Variants in CSNK2A2 observed in about 807,000 individuals in gnomAD.
The protein encoded by CSNK2A2 is casein kinase II subunit alpha'.
Under a neutral mutation model 54.0 loss-of-function variants are expected in CSNK2A2, and 8 were observed. The observed-to-expected ratio is 0.15, with a 90% CI of 0.09 to 0.27. The LOEUF (loss-of-function observed/expected upper bound fraction) is 0.27. Ranked by LOEUF, CSNK2A2 falls within the 10% of genes least tolerant of loss-of-function variation. The pLI, the probability that CSNK2A2 is intolerant of heterozygous loss-of-function variation, is 1.00. For missense variants in CSNK2A2, 242 were observed against 439.4 expected, an observed-to-expected ratio of 0.55 and a Z score of 4.02; for synonymous variants, 141 against 153.9, an observed-to-expected ratio of 0.92 and a Z score of 0.62.
At chr16:58,195,636 C>A (rs1435557316) in intron 2 of CSNK2A2, among the ~76,000 whole-genome samples, 1 of 152,170 alleles carries the variant, frequency 6.6e-6, no homozygotes. Context: ...AACGAGGACC[C>A]ATCACAGATT....
chr16:58,158,455 G>A (rs1377285926), intron 11 of CSNK2A2, 102 bp from the exon 12 acceptor site: 2 of 152,274 alleles, frequency 1.3e-5, no homozygotes, highest in African/African-American at 4.8e-5. Context: ...ATGCAAGCTC[G>A]GCCCTCCCAT....
chr16:58,176,002 C>G (rs537329833), intron 4 of CSNK2A2, among the ~76,000 whole-genome samples: 1 of 152,288 alleles, frequency 6.6e-6, no homozygotes, highest in African/African-American at 2.4e-5. Context: ...TCTCCCAGCT[C>G]TGCTGCAAGA....
intron 11 of CSNK2A2, chr16:58,160,019 T>C (rs1961285910): frequency 6.6e-6 from 1 of 152,124 alleles, no homozygotes; most frequent in Non-Finnish European, 1.5e-5. Flanking sequence ...TATAATCCCA[T>C]CACATCTTTT....
intron 8 of CSNK2A2, 51 bp downstream of exon 8, chr16:58,167,156 T>G: frequency 7.6e-7 from 1 of 1,314,960 alleles, no homozygotes; most frequent in Non-Finnish European, 1.1e-6. Flanking sequence ...AGGATGCTAT[T>G]TTTTTGGCAT....
At chr16:58,168,870 C>T (rs1003606797) in intron 5 of CSNK2A2, among the ~76,000 whole-genome samples, 177 bp from the exon 6 acceptor site, 1 of 152,004 alleles carries the variant, frequency 6.6e-6, no homozygotes, top group Admixed American at 6.5e-5. Context: ...GCTCTCTCTG[C>T]ACACTACAGC....
At chr16:58,184,747 T>C (rs564302113) in intron 3 of CSNK2A2, among the ~76,000 whole-genome samples, 2 of 152,324 alleles carry the variant, frequency 1.3e-5, no homozygotes, top group South Asian at 4.1e-4. Context: ...GTCTGCCATA[T>C]ACAAAAAAAG....
At chr16:58,167,172 C>T (rs765620443) in intron 8 of CSNK2A2, 35 bp downstream of exon 8, 1 of 1,528,506 alleles carries the variant, frequency 6.5e-7, no homozygotes, top group Non-Finnish European at 9.0e-7. Context: ...GGCATTCACC[C>T]CCAAATAAAT....
At position 58,197,518 on chromosome 16, in the gene CSNK2A2, G is replaced by T; in HGVS notation, c.104+115C>A. The T allele has an allele frequency of 1.9e-6, 1 of 517,580 alleles. No homozygotes were observed. Among genetic ancestry groups the T allele is most frequent in the Non-Finnish European group, 3.3e-6 (1 of 301,022 alleles). 32.1% of individuals were successfully genotyped at this position (517,580 alleles called of 1,614,324 possible). A position where few individuals can be genotyped will look rare whatever the true frequency, so the allele number is the denominator to read the frequency against. On this transcript the variant is annotated intron_variant, in intron 1 of 11. Transcript: ENST00000262506. The surrounding 1 kb of genome is among the most constrained non-coding windows in gnomAD (Gnocchi z 4.0). The stretch of plus-strand genomic sequence containing the variant: ...GCGAGAGCGGGACCTCTGCCTCCCT[G>T]CGGGCCCGCGGAGGGGTCGGCGGGA...
At chr16:58,186,727 T>C (rs1305192349) in intron 3 of CSNK2A2, 28 bp downstream of exon 3, 1 of 1,550,830 alleles carries the variant, frequency 6.4e-7, no homozygotes, top group South Asian at 1.1e-5. Context: ...GGTCTACTAG[T>C]ATACTCCCCC....
At chr16:58,165,509 A>G (rs1159479326) in intron 10 of CSNK2A2, 51 bp downstream of exon 10, 1 of 1,520,386 alleles carries the variant, frequency 6.6e-7, no homozygotes, top group Non-Finnish European at 8.8e-7. Context: ...AGAGTGGAAG[A>G]TTTGTTCTCT....
intron 7 of CSNK2A2, 128 bp from the exon 8 acceptor site, chr16:58,167,436 ATTTTTTTTAAC>A (rs1202162352): frequency 1.1e-5 from 7 of 655,828 alleles, no homozygotes; most frequent in Non-Finnish European, 1.7e-5. Context: ...TTTAAAAAAA[ATTTTTTTTAAC>A]TTCCTGGCTC....
chr16:58,178,360 T>C (rs1961934218), intron 4 of CSNK2A2, among the ~76,000 whole-genome samples: 1 of 150,400 alleles, frequency 6.6e-6, no homozygotes, highest in African/African-American at 2.4e-5. Context: ...CTCTGCTCAC[T>C]GCAACCTCTG....
At chr16:58,196,997 A>G (rs1279150514) in intron 1 of CSNK2A2, 153 bp from the exon 2 acceptor site, 2 of 660,222 alleles carry the variant, frequency 3.0e-6, no homozygotes, top group East Asian at 2.7e-5. Context: ...AAGCCACGAC[A>G]TAATCTTGGC....
intron 8 of CSNK2A2, 145 bp from the exon 9 acceptor site, chr16:58,166,829 A>C: frequency 1.6e-6 from 1 of 617,934 alleles, no homozygotes; most frequent in Non-Finnish European, 2.9e-6. Context: ...GCAGGCAGAC[A>C]GACCCAAGGA....
At chr16:58,194,208 T>A (rs937289238) in intron 2 of CSNK2A2, among the ~76,000 whole-genome samples, 1 of 152,200 alleles carries the variant, frequency 6.6e-6, no homozygotes, top group Non-Finnish European at 1.5e-5. Context: ...CTGTTCTAGA[T>A]TCTTCCAAGT....
intron 2 of CSNK2A2, among the ~76,000 whole-genome samples, chr16:58,195,178 T>C (rs1962404534): frequency 7.7e-6 from 1 of 130,394 alleles, no homozygotes; most frequent in Non-Finnish European, 1.7e-5. Context: ...TTCCTGTGAC[T>C]TAAAAAAAAA....
intron 6 of CSNK2A2, among the ~76,000 whole-genome samples, chr16:58,168,302 T>C (rs1422586408): frequency 6.6e-6 from 1 of 152,108 alleles, no homozygotes; most frequent in East Asian, 1.9e-4. Context: ...GCCAGGCAGA[T>C]TGGTCTGCGG....
At chr16:58,194,379 A>G (rs1419365384) in intron 2 of CSNK2A2, among the ~76,000 whole-genome samples, 1 of 152,260 alleles carries the variant, frequency 6.6e-6, no homozygotes, top group Non-Finnish European at 1.5e-5. Context: ...TTTAATTCAC[A>G]AAACAACAAA....
chr16:58,171,525 C>T (rs1961736275), intron 5 of CSNK2A2, among the ~76,000 whole-genome samples: 1 of 151,814 alleles, frequency 6.6e-6, no homozygotes, highest in Admixed American at 6.6e-5. Context: ...AGAAAGAATG[C>T]TTGTTATTTG....
Sources: gnomAD v4.1 joint callset for allele counts (sites outside exome capture counted in the v4.1 genomes callset) on GRCh38, gnomAD v4.1.1 for gene constraint, Gnocchi (gnomAD v3.1) non-coding constraint, MANE v1.5 for transcripts, NCBI Gene and HGNC (gene_info 2026-07-23, HGNC 2026-07-21) for gene names.